ABCE1: variants seen among roughly 807,000 people sequenced by gnomAD.
The protein encoded by ABCE1 is ATP binding cassette subfamily E member 1.
A neutral mutation model predicts 83.4 loss-of-function variants in ABCE1; 22 were observed. That is an observed-to-expected ratio of 0.26 (90% CI 0.19 to 0.38). ABCE1 has a LOEUF of 0.38. Among genes scored for constraint, ABCE1 ranks in the 10% least tolerant of loss-of-function variants. ABCE1 has a pLI of 1.00. For synonymous variants in ABCE1, 204 were observed against 233.7 expected (o/e 0.87, Z 1.16); for missense variants, 330 against 721.9 (o/e 0.46, Z 6.22).
Position 145,129,402 on chromosome 4 carries a change from A to G in ABCE1, c.*1829A>G, listed in dbSNP as rs1006341052. On this transcript the variant is annotated 3_prime_UTR_variant, in exon 18 of 18. Coordinates refer to ENST00000296577, the MANE Select transcript of ABCE1 (RefSeq NM_002940.3). ...GTTAGCAAAAGAATGAGACTACTTC[A>G]TATGTCCTAATTGGAAAAAGTCTCA... Among the ~76,000 whole-genome samples, 2 of 152,188 alleles carry G rather than the reference A, an allele frequency of 1.3e-5. No individual in the cohort carries two copies. Among genetic ancestry groups the G allele is most frequent in the South Asian group, 2.1e-4 (1 of 4,834 alleles).
At chr4:145,100,210 C>G (rs1749102437) in intron 1 of ABCE1, among the ~76,000 whole-genome samples, 1 of 152,060 alleles carries the variant, frequency 6.6e-6, no homozygotes, top group Admixed American at 6.6e-5. Context: ...AAAAATCAAG[C>G]CAGGGTAGTG....
intron 5 of ABCE1, 39 bp downstream of exon 5, chr4:145,109,288 C>A: frequency 8.0e-7 from 1 of 1,252,220 alleles, no homozygotes; most frequent in South Asian, 1.5e-5. Flanking sequence ...TATCATGAGT[C>A]AGTTTTATGA....
chr4:145,110,266 A>G, intron 6 of ABCE1, 26 bp downstream of exon 6: 1 of 1,598,728 alleles, frequency 6.3e-7, no homozygotes, highest in South Asian at 1.1e-5. Context: ...AGGGAACTTA[A>G]CGGATATTAG....
intron 9 of ABCE1, among the ~76,000 whole-genome samples, chr4:145,117,034 C>T (rs553962984): frequency 2.1e-4 from 32 of 151,900 alleles, no homozygotes; most frequent in African/African-American, 7.5e-4. Context: ...ACACTTATTT[C>T]GAAATATGTT....
chr4:145,111,530 G>A (rs532759484), intron 8 of ABCE1, among the ~76,000 whole-genome samples: 1 of 152,196 alleles, frequency 6.6e-6, no homozygotes, highest in East Asian at 1.9e-4. Context: ...GTTTCACCAT[G>A]TTAGCCAGGT....
chr4:145,127,822 C>T lies in ABCE1; in HGVS notation c.*249C>T, dbSNP rs1294470999. 3.1e-6 allele frequency: 1 copy of T among 322,338 alleles called. No homozygotes were observed. Among genetic ancestry groups the T allele is most frequent in the Non-Finnish European group, 5.6e-6 (1 of 179,678 alleles). The allele number at this position is 322,338 out of a possible 1,614,324, so 20.0% of individuals were successfully genotyped here. On this transcript the variant is annotated 3_prime_UTR_variant, in exon 18 of 18. Coordinates refer to ENST00000296577, the MANE Select transcript of ABCE1 (RefSeq NM_002940.3). Reference sequence around the variant, plus strand: ...TAAAATGAAGACATTTCAAGCTATACAAATTACTTCCAAGTTTTCATGATG... The same window carrying T: ...TAAAATGAAGACATTTCAAGCTATATAAATTACTTCCAAGTTTTCATGATG...
At chr4:145,100,534 T>C (rs1392709568) in intron 1 of ABCE1, among the ~76,000 whole-genome samples, 6 of 152,276 alleles carry the variant, frequency 3.9e-5, no homozygotes, top group Non-Finnish European at 8.8e-5. Context: ...TTAGAATGCA[T>C]GGTGTCCAGT....
In ABCE1 at chr4:145,127,588, T is replaced by C. The variant is rs759351200; in HGVS notation, c.*15T>C. 2 of 1,539,148 alleles carry C rather than the reference T, an allele frequency of 1.3e-6. No individual in the cohort carries two copies. On this transcript the variant is annotated 3_prime_UTR_variant, in exon 18 of 18. Transcript: ENST00000296577. ...TGGATGATTAGACTGACTCTGAGAA[T>C]ATTGATAAGCCATTTATTAAAAGGA...
rs1206935849 is a variant in ABCE1 at position 145,111,017 on chromosome 4, G to A, written c.663G>A (p.Glu221=). The A allele has an allele frequency of 6.2e-7, 1 of 1,612,496 alleles. No individual in the cohort carries two copies. Among genetic ancestry groups the A allele is most frequent in the Non-Finnish European group, 8.5e-7 (1 of 1,179,488 alleles). ...ERNVEDLSGG[E]LQRFACAVVC... is the part of the protein sequence containing the mutation. ...ATGTTGAAGATCTTTCAGGAGGAGA[G>A]TTGCAGAGATTTGCTTGTGCTGTCG... The change falls in exon 8 of 18, where the codon GAG becomes GAA. Residue 221 remains glutamate, a synonymous_variant. Coordinates refer to ENST00000296577, the MANE Select transcript of ABCE1 (RefSeq NM_002940.3).
At position 145,109,118 on chromosome 4, in the gene ABCE1, T is replaced by G. The variant is rs778550166; in HGVS notation, c.288-14T>G. On this transcript the variant is annotated splice_polypyrimidine_tract_variant and intron_variant, in intron 4 of 17. Transcript: ENST00000296577. ...AATCTGAGTTGTTTTATTATTTTTG[T>G]ATACTTGTAACAGGTTGCCTATCCC... 3.9e-6 allele frequency: 6 copies of G among 1,554,740 alleles called. No individual in the cohort carries two copies. Among genetic ancestry groups the G allele is most frequent in the Admixed American group, 1.7e-5 (1 of 57,588 alleles).
Position 145,128,099 on chromosome 4 carries a change from G to A in ABCE1, c.*526G>A, listed in dbSNP as rs1749942480. ...TATATTACCAGTATATGGTTTCCGAGGAAGATTATCTACTGCAAAACACCA... is the reference window on the plus strand; with the variant it reads ...TATATTACCAGTATATGGTTTCCGAAGAAGATTATCTACTGCAAAACACCA... On this transcript the variant is annotated 3_prime_UTR_variant, in exon 18 of 18. Transcript: ENST00000296577. The A allele has an allele frequency of 6.6e-6, 1 of 152,488 alleles. No individual in the cohort carries two copies. Among genetic ancestry groups the A allele is most frequent in the African/African-American group, 2.4e-5 (1 of 41,414 alleles). The allele number at this position is 152,488 out of a possible 1,614,324, so 9.4% of individuals were successfully genotyped here.
intron 1 of ABCE1, among the ~76,000 whole-genome samples, chr4:145,100,041 A>G (rs929001201): frequency 2.6e-5 from 4 of 152,234 alleles, no homozygotes; most frequent in African/African-American, 9.6e-5. Context: ...TGCCCCAATT[A>G]TTGAAACTGA....
rs1749822727 is a variant in ABCE1 at position 145,124,421 on chromosome 4, G to A, written c.1641-569G>A. Among the ~76,000 whole-genome samples, 4 of 151,610 alleles carry A rather than the reference G, an allele frequency of 2.6e-5. No homozygotes were observed. The South Asian group carries it at 8.3e-4, about 31-fold the overall frequency. On this transcript the variant is annotated intron_variant, in intron 16 of 17. Coordinates refer to ENST00000296577, the MANE Select transcript of ABCE1 (RefSeq NM_002940.3). ...GCTAGGGAAATTTCTTAGCATATGT[G>A]ATGTTTATTTGTTCATCTAGTGATA...
At chr4:145,118,116 C>A (rs1031013492) in intron 10 of ABCE1, among the ~76,000 whole-genome samples, 1 of 151,608 alleles carries the variant, frequency 6.6e-6, no homozygotes, top group East Asian at 1.9e-4. Flanking sequence ...ATTTTTCTCT[C>A]CACCTGTCTT....
intron 5 of ABCE1, 109 bp downstream of exon 5, chr4:145,109,358 G>T (rs535696856): frequency 6.9e-6 from 4 of 583,060 alleles, no homozygotes; most frequent in Non-Finnish European, 1.1e-5. Flanking sequence ...ATTATTTATG[G>T]AATTAATGCT....
chr4:145,127,139 A>G (rs1749908985), intron 17 of ABCE1, among the ~76,000 whole-genome samples: 5 of 152,134 alleles, frequency 3.3e-5, no homozygotes, highest in Admixed American at 3.3e-4. Context: ...TTATATATAT[A>G]TATTTTGTGT....
chr4:145,098,355 A>G lies in ABCE1; in HGVS notation c.-92A>G, dbSNP rs911806053. The G allele has an allele frequency of 1.3e-5, 2 of 152,492 alleles. No homozygotes were observed. Among genetic ancestry groups the G allele is most frequent in the African/African-American group, 4.8e-5 (2 of 41,466 alleles). The allele number at this position is 152,492 out of a possible 1,614,324, so 9.4% of individuals were successfully genotyped here. Reference sequence around the variant, plus strand: ...GCCGTGAGAACACGCTGTGTGGCTGAAAAGTGAAGGCAAGAGCTGATTTGG... The same window carrying G: ...GCCGTGAGAACACGCTGTGTGGCTGGAAAGTGAAGGCAAGAGCTGATTTGG... On this transcript the variant is annotated 5_prime_UTR_variant, in exon 1 of 18. Coordinates refer to ENST00000296577, the MANE Select transcript of ABCE1 (RefSeq NM_002940.3).
intron 7 of ABCE1, 64 bp downstream of exon 7, chr4:145,110,508 T>C: frequency 6.6e-7 from 1 of 1,519,404 alleles, no homozygotes; most frequent in South Asian, 1.1e-5. Flanking sequence ...GGAGTTTCGC[T>C]CTTGTTGCCC....
Position 145,110,222 on chromosome 4 carries a change from G to A in ABCE1, c.525G>A (p.Gln175=), listed in dbSNP as rs1256805767. 4 of 1,601,078 alleles carry A rather than the reference G, an allele frequency of 2.5e-6. No individual in the cohort carries two copies. Among genetic ancestry groups the A allele is most frequent in the Non-Finnish European group, 3.4e-6 (4 of 1,176,652 alleles). The part of the protein sequence containing the change: ...KAIIKPQYVD[Q]IPKAAKGTVG... ...TCATCAAACCTCAATATGTAGACCA[G>A]ATTCCTAAGGCTGCAAAGGTCGGTT... is the stretch of plus-strand genomic sequence containing the variant. Residue 175 remains glutamine (Q), a synonymous_variant, in exon 6 of 18, where the codon CAG becomes CAA. Coordinates refer to ENST00000296577, the MANE Select transcript of ABCE1 (RefSeq NM_002940.3).
Sources: gnomAD v4.1 joint callset for allele counts (sites outside exome capture counted in the v4.1 genomes callset) on GRCh38, gnomAD v4.1.1 for gene constraint, MANE v1.5 for transcripts, NCBI Gene and HGNC (gene_info 2026-07-23, HGNC 2026-07-21) for gene names.